The following ELOVL2 variants were observed in gnomAD, a reference collection of about 807,000 sequenced individuals.
ELOVL2 encodes the protein very long chain fatty acid elongase 2.
Under a neutral mutation model 37.7 loss-of-function variants are expected in ELOVL2, and 38 were observed. That is an observed-to-expected ratio of 1.01 (90% confidence interval 0.78 to 1.32). The LOEUF (loss-of-function observed/expected upper bound fraction) is 1.32, where lower values mean the gene tolerates loss of function less well. Ranked by LOEUF, ELOVL2 falls within the 40% of genes most tolerant of loss-of-function variation. The pLI, the probability that ELOVL2 is intolerant of heterozygous loss-of-function variation, is 0.00. For missense variants in ELOVL2, 352 were observed against 363.6 expected, an observed-to-expected ratio of 0.97 and a Z score of 0.26; for synonymous variants, 115 against 122.3, an observed-to-expected ratio of 0.94 and a Z score of 0.40.
chr6:11,014,022 G>T (rs1782628880), intron 1 of ELOVL2, among the ~76,000 whole-genome samples: 1 of 152,116 alleles, frequency 6.6e-6, no homozygotes, highest in Non-Finnish European at 1.5e-5. Context: ...GCCCTTACAA[G>T]AAAGTCTGTG....
chr6:11,012,366 A>G (rs1782599729), intron 1 of ELOVL2, among the ~76,000 whole-genome samples: 1 of 151,950 alleles, frequency 6.6e-6, no homozygotes, highest in Non-Finnish European at 1.5e-5. Context: ...GAGAAAGGTC[A>G]GTTACCTGAG....
At chr6:11,041,338 C>T (rs932534200) in intron 1 of ELOVL2, among the ~76,000 whole-genome samples, 3 of 152,174 alleles carry the variant, frequency 2.0e-5, no homozygotes, top group African/African-American at 7.2e-5. Flanking sequence ...AACATGAAAG[C>T]ACCTGAACCT....
At chr6:11,018,518 T>A (rs1782717842) in intron 1 of ELOVL2, among the ~76,000 whole-genome samples, 1 of 152,180 alleles carries the variant, frequency 6.6e-6, no homozygotes, top group Non-Finnish European at 1.5e-5. Context: ...CAGTTGAGGG[T>A]TCAGAATTTT....
intron 1 of ELOVL2, among the ~76,000 whole-genome samples, chr6:11,032,476 C>T (rs538907906): frequency 6.6e-5 from 10 of 152,184 alleles, no homozygotes; most frequent in African/African-American, 2.4e-4. Flanking sequence ...TTTAGTTGCA[C>T]ATGCCACATA....
At chr6:11,019,155 C>T (rs997252774) in intron 1 of ELOVL2, among the ~76,000 whole-genome samples, 1 of 152,174 alleles carries the variant, frequency 6.6e-6, no homozygotes, top group Non-Finnish European at 1.5e-5. Context: ...AAGTTAACTA[C>T]TGCTGAAATC....
chr6:11,025,846 ATTT>A (rs1171668334), intron 1 of ELOVL2, among the ~76,000 whole-genome samples: 1 of 152,144 alleles, frequency 6.6e-6, no homozygotes, highest in Non-Finnish European at 1.5e-5. Flanking sequence ...CTCAAAAATA[ATTT>A]TTCTTTTTAG....
At chr6:11,002,333 A>G (rs532224009) in intron 3 of ELOVL2, among the ~76,000 whole-genome samples, 24 of 152,314 alleles carry the variant, frequency 1.6e-4, no homozygotes, top group African/African-American at 5.8e-4. Flanking sequence ...AACTCAATAC[A>G]TATTTGTTGA....
At chr6:11,022,641 C>G (rs1056064050) in intron 1 of ELOVL2, among the ~76,000 whole-genome samples, 17 of 152,162 alleles carry the variant, frequency 1.1e-4, no homozygotes, top group Non-Finnish European at 1.9e-4. Flanking sequence ...CACTGGTGCA[C>G]AGAATGGTGC....
At chr6:10,989,676 A>G (rs749350654) in intron 7 of ELOVL2, 27 bp downstream of exon 7, 1 of 1,604,308 alleles carries the variant, frequency 6.2e-7, no homozygotes, top group Admixed American at 1.7e-5. Flanking sequence ...ATTACATTTT[A>G]CTGCTGAATA....
chr6:11,030,112 G>GA (rs1361044743), intron 1 of ELOVL2, among the ~76,000 whole-genome samples: 4 of 152,204 alleles, frequency 2.6e-5, no homozygotes, highest in Non-Finnish European at 4.4e-5. Context: ...CCACACATGA[G>GA]AAAATATGCT....
intron 1 of ELOVL2, among the ~76,000 whole-genome samples, chr6:11,042,747 T>TA (rs1364916132): frequency 3.9e-5 from 6 of 151,948 alleles, no homozygotes; most frequent in Admixed American, 3.9e-4. Context: ...CTCCCAAACT[T>TA]CACTTGAGAC....
chr6:11,030,888 C>G (rs186843623), intron 1 of ELOVL2, among the ~76,000 whole-genome samples: 51 of 152,186 alleles, frequency 3.4e-4, no homozygotes, highest in African/African-American at 1.1e-3. Flanking sequence ...TACATCTTCC[C>G]AATCCTGTGT....
rs2113454165 is a variant in ELOVL2, at chr6:10,982,439, C to T, written c.*1342G>A. The T allele has an allele frequency of 6.6e-6, 1 of 152,194 alleles. No homozygotes were observed. Among genetic ancestry groups the T allele is most frequent in the East Asian group, 1.9e-4 (1 of 5,176 alleles). The allele number at this position is 152,194 out of a possible 1,614,324, so 9.4% of individuals were successfully genotyped here. A position where few individuals can be genotyped will look rare whatever the true frequency, so the allele number is the denominator to read the frequency against. ...TAAGGCAGGAGAGAAGATGAAGTGACTTCATCGAAGCTAACAAGTTTTATT... is the reference window on the plus strand; with the variant it reads ...TAAGGCAGGAGAGAAGATGAAGTGATTTCATCGAAGCTAACAAGTTTTATT... On this transcript the variant is annotated 3_prime_UTR_variant, in exon 8 of 8. Transcript: ENST00000354666.
chr6:10,997,498 T>C (rs1782290912), intron 4 of ELOVL2, among the ~76,000 whole-genome samples: 1 of 152,226 alleles, frequency 6.6e-6, no homozygotes, highest in Non-Finnish European at 1.5e-5. Context: ...TGGTTTGAAA[T>C]GGTTTTTAAG....
chr6:11,043,475 C>CACACACACACACACACACACA (rs1186461029), intron 1 of ELOVL2: 1 of 153,836 alleles, frequency 6.5e-6, no homozygotes, highest in African/African-American at 2.5e-5. Context: ...TGAACACACA[C>CACACACACACACACACACACA]ACACACACAC....
chr6:11,036,482 T>C (rs1262171584), intron 1 of ELOVL2, among the ~76,000 whole-genome samples: 1 of 152,150 alleles, frequency 6.6e-6, no homozygotes, highest in African/African-American at 2.4e-5. Context: ...GAATAACAAT[T>C]CCCTGGGCTC....
At position 10,983,677 on chromosome 6, in the gene ELOVL2, A is replaced by G; in HGVS notation, c.*104T>C. The G allele has an allele frequency of 2.4e-6, 3 of 1,276,502 alleles. No individual in the cohort carries two copies. The highest frequency in any genetic ancestry group is 2.5e-5 in the East Asian group (1 of 39,228). 79.1% of individuals were successfully genotyped at this position (1,276,502 alleles called of 1,614,324 possible). A position where few individuals can be genotyped will look rare whatever the true frequency, so the allele number is the denominator to read the frequency against. On this transcript the variant is annotated 3_prime_UTR_variant, in exon 8 of 8. Coordinates refer to ENST00000354666, the MANE Select transcript of ELOVL2 (RefSeq NM_017770.4). ...TGGGTACAAATGATTTATGAACTCA[A>G]AAGAAATTAGTTTATCCTAAAACAT...
At chr6:11,022,406 A>G (rs924011889) in intron 1 of ELOVL2, among the ~76,000 whole-genome samples, 2 of 152,228 alleles carry the variant, frequency 1.3e-5, no homozygotes, top group Non-Finnish European at 2.9e-5. Context: ...GAGGGGCCTG[A>G]GCAAGAGAAG....
chr6:10,992,799 A>AC (rs369823428), intron 5 of ELOVL2, among the ~76,000 whole-genome samples: 14 of 116,566 alleles, frequency 1.2e-4, no homozygotes, highest in African/African-American at 3.5e-4. Flanking sequence ...AAAAAACAAA[A>AC]CAAAAAAAAA....
Sources: allele counts gnomAD v4.1 joint callset (sites outside exome capture counted in the v4.1 genomes callset), GRCh38; gene constraint gnomAD v4.1.1; transcripts MANE v1.5; gene names NCBI Gene and HGNC (gene_info 2026-07-23, HGNC 2026-07-21).